The following CCER1 variants were observed in gnomAD, a reference collection of about 807,000 sequenced individuals.
CCER1 encodes coiled-coil glutamate rich protein 1.
For synonymous variants in CCER1, 246 were observed against 213.8 expected (o/e 1.15, Z -1.31); for missense variants, 573 against 524.5 (o/e 1.09, Z -0.90).
rs1246688044 is a variant in CCER1 at position 90,953,098 on chromosome 12, T to C, written c.*424A>G. On this transcript the variant is annotated 3_prime_UTR_variant, in exon 1 of 1. Transcript: ENST00000358859. ...GTTAAGAGCACTGGTGAACATTTAG[T>C]AGCGTTAGAATGTGCTTCTTACGCA... 2 of 159,984 alleles carry C rather than the reference T, an allele frequency of 1.3e-5. No homozygotes were observed. The highest frequency in any genetic ancestry group is 2.4e-5 in the African/African-American group (1 of 41,758). 9.9% of individuals were successfully genotyped at this position (159,984 alleles called of 1,614,324 possible).
Position 90,953,997 on chromosome 12 carries a change from G to C in CCER1, c.746C>G (p.Thr249Ser), listed in dbSNP as rs762373441. Reference sequence around the variant, plus strand: ...GGGATTCTGCACAAAGCCATACAGAGTTTCCTGCAGTCCCCAGGTTTCCTT... The same window carrying C: ...GGGATTCTGCACAAAGCCATACAGACTTTCCTGCAGTCCCCAGGTTTCCTT... ...GSKETWGLQETLYGFVQNPSL... is the reference protein window; with the variant it reads ...GSKETWGLQESLYGFVQNPSL... Residue 249 changes from threonine (T) to serine (S), a missense_variant, in exon 1 of 1, where the codon ACT (threonine) becomes AGT (serine). Coordinates refer to ENST00000358859, the MANE Select transcript of CCER1 (RefSeq NM_152638.4). The C allele has an allele frequency of 1.2e-6, 2 of 1,614,224 alleles. No homozygotes were observed. Among genetic ancestry groups the C allele is most frequent in the Non-Finnish European group, 1.7e-6 (2 of 1,180,036 alleles).
rs375426730 is a variant in CCER1, at chr12:90,954,588, T to A, written c.155A>T (p.His52Leu). 20 of 1,613,934 alleles carry A rather than the reference T, an allele frequency of 1.2e-5. No homozygotes were observed. The African/African-American group carries it at 1.5e-4, about 12-fold the overall frequency. Residue 52 changes from histidine (H) to leucine (L), a missense_variant, in exon 1 of 1, where the codon CAC (histidine) becomes CTC (leucine). Physicochemically the swap from His to Leu is moderately conservative, Grantham distance 99. Coordinates refer to ENST00000358859, the MANE Select transcript of CCER1 (RefSeq NM_152638.4). ...RPGAPAYNRP[H>L]RYSPKTEYGP... ...ATACTCGGTCTTGGGGCTATATCGG[T>A]GCGGTCTATTGTACGCTGGAGCACC...
Position 90,953,550 on chromosome 12 carries a change from A to AGG in CCER1, c.1191_1192dup (p.Leu398ProfsTer17). On this transcript the variant is annotated frameshift_variant, in exon 1 of 1. Coordinates refer to ENST00000358859, the MANE Select transcript of CCER1 (RefSeq NM_152638.4). LOFTEE classifies it high-confidence loss of function. ...ACAGTTAAAGTCCTGTGCCATGAAC[A>AGG]GGGATTCCTGTGGCACTTTGGGAAT... 6.2e-7 allele frequency: 1 copy of AGG among 1,613,736 alleles called. No homozygotes were observed. Among genetic ancestry groups the AGG allele is most frequent in the Non-Finnish European group, 8.5e-7 (1 of 1,179,848 alleles).
At position 90,953,436 on chromosome 12, in the gene CCER1, C is replaced by CA. The variant is rs1245997346; in HGVS notation, c.*85dup. 4.8e-6 allele frequency: 7 copies of CA among 1,449,404 alleles called. No individual in the cohort carries two copies. The African/African-American group carries it at 1.0e-4, about 21-fold the overall frequency. The allele number at this position is 1,449,404 out of a possible 1,614,324, so 89.8% of individuals were successfully genotyped here. A position where few individuals can be genotyped will look rare whatever the true frequency, so the allele number is the denominator to read the frequency against. On this transcript the variant is annotated 3_prime_UTR_variant, in exon 1 of 1. Coordinates refer to ENST00000358859, the MANE Select transcript of CCER1 (RefSeq NM_152638.4). ...CATAGATCTGTTTATTAATGGAACTCACTTTTTAATCAGTTTTTAATAAAT... is the reference window on the plus strand; with the variant it reads ...CATAGATCTGTTTATTAATGGAACTCAACTTTTTAATCAGTTTTTAATAAAT...
rs79531475 is a variant in CCER1 at position 90,953,120 on chromosome 12, C to T, written c.*402G>A. On this transcript the variant is annotated 3_prime_UTR_variant, in exon 1 of 1. Transcript: ENST00000358859. Reference sequence around the variant, plus strand: ...TAGTAGCGTTAGAATGTGCTTCTTACGCATGTAATAAACTATCTCTTGATT... The same window carrying T: ...TAGTAGCGTTAGAATGTGCTTCTTATGCATGTAATAAACTATCTCTTGATT... The T allele has an allele frequency of 6.1e-3, 1,031 of 167,704 alleles. 14 individuals are homozygous for T. The highest frequency in any genetic ancestry group is 0.024 in the African/African-American group (994 of 42,104). 10.4% of individuals were successfully genotyped at this position (167,704 alleles called of 1,614,324 possible). A position where few individuals can be genotyped will look rare whatever the true frequency, so the allele number is the denominator to read the frequency against.
Position 90,953,622 on chromosome 12 carries a change from T to G in CCER1, c.1121A>C (p.Lys374Thr). 1 of 1,614,158 alleles carries G rather than the reference T, an allele frequency of 6.2e-7. No homozygotes were observed. Among genetic ancestry groups the G allele is most frequent in the Non-Finnish European group, 8.5e-7 (1 of 1,180,030 alleles). ...PLSIFVEAEEKRENFISCTFL... is the reference protein window; with the variant it reads ...PLSIFVEAEETRENFISCTFL... ...AGTGCAGCTTATAAAGTTCTCTCTC[T>G]TTTCTTCAGCCTCTACGAAGATTGA... Residue 374 changes from lysine (K) to threonine (T), a missense_variant, in exon 1 of 1, where the codon AAG (lysine) becomes ACG (threonine). Coordinates refer to ENST00000358859, the MANE Select transcript of CCER1 (RefSeq NM_152638.4).
chr12:90,954,958 T>G lies in CCER1; in HGVS notation c.-216A>C. 1 of 906,216 alleles carries G rather than the reference T, an allele frequency of 1.1e-6. No individual in the cohort carries two copies. The highest frequency in any genetic ancestry group is 1.6e-6 in the Non-Finnish European group (1 of 609,514). The allele number at this position is 906,216 out of a possible 1,614,324, so 56.1% of individuals were successfully genotyped here. On this transcript the variant is annotated 5_prime_UTR_variant, in exon 1 of 1. Coordinates refer to ENST00000358859, the MANE Select transcript of CCER1 (RefSeq NM_152638.4). Reference sequence around the variant, plus strand: ...TAATCGCTTGTCCTTCGCACCTGGGTTGTCTCGCCCAGGTGTGCTGGGTGG... The same window carrying G: ...TAATCGCTTGTCCTTCGCACCTGGGGTGTCTCGCCCAGGTGTGCTGGGTGG...
In CCER1 at chr12:90,954,147, T is replaced by C; in HGVS notation, c.596A>G (p.Glu199Gly). The C allele has an allele frequency of 6.2e-7, 1 of 1,611,744 alleles. No individual in the cohort carries two copies. Among genetic ancestry groups the C allele is most frequent in the South Asian group, 1.1e-5 (1 of 91,088 alleles). Residue 199 changes from glutamate to glycine, a missense_variant, in exon 1 of 1, where the codon GAG becomes GGG. Transcript: ENST00000358859. ...CACCTTCTCCTGCTGCCTCATGTCC[T>C]CGTAGATCTGGTTCATGATGAATTG... ...TTQFIMNQIY[E>G]DMRQQEKVER...
chr12:90,954,659 G>A lies in CCER1; in HGVS notation c.84C>T (p.His28=). The A allele has an allele frequency of 6.3e-7, 1 of 1,598,994 alleles. No individual in the cohort carries two copies. Residue 28 remains histidine, a synonymous_variant, in exon 1 of 1, where the codon CAC becomes CAT. Transcript: ENST00000358859. ...ACGACCAGGAGCTCAAGGAGGCCGAGTGTGCCCAGCCACAGCCACAGCCGC... is the reference window on the plus strand; with the variant it reads ...ACGACCAGGAGCTCAAGGAGGCCGAATGTGCCCAGCCACAGCCACAGCCGC... ...GGGGCGCGWA[H]SASLSSWSSC...
Position 90,953,766 on chromosome 12 carries a change from T to A in CCER1, c.977A>T (p.Glu326Val). 1 of 1,555,884 alleles carries A rather than the reference T, an allele frequency of 6.4e-7. No homozygotes were observed. Among genetic ancestry groups the A allele is most frequent in the Non-Finnish European group, 8.9e-7 (1 of 1,127,198 alleles). ...CTCCTCCTCTCCCTCCTCCACATAT[T>A]CAGCCTCTTCGACCTCTTCTTCCTC... ...DEEEEEVEEA[E>V]YVEEGEEELE... The change falls in exon 1 of 1, where the codon GAA becomes GTA. Residue 326 changes from glutamate (E) to valine (V), a missense_variant. Physicochemically the swap from Glu to Val is moderately radical, Grantham distance 121. Coordinates refer to ENST00000358859, the MANE Select transcript of CCER1 (RefSeq NM_152638.4).
chr12:90,954,072 T>C lies in CCER1; in HGVS notation c.671A>G (p.Glu224Gly). The change falls in exon 1 of 1, where the codon GAG (glutamate) becomes GGG (glycine). Residue 224 changes from glutamate to glycine, a missense_variant. Physicochemically the swap from Glu to Gly is moderately conservative, Grantham distance 98. Coordinates refer to ENST00000358859, the MANE Select transcript of CCER1 (RefSeq NM_152638.4). ...LRAQKATVSG[E>G]ASPARSSGND... ...TCCGGAGGATCTGGCTGGGGAGGCC[T>C]CGCCGCTCACCGTGGCCTTCTGCGC... The C allele has an allele frequency of 1.2e-6, 2 of 1,613,778 alleles. No individual in the cohort carries two copies. Among genetic ancestry groups the C allele is most frequent in the Non-Finnish European group, 8.5e-7 (1 of 1,180,020 alleles).
At position 90,954,286 on chromosome 12, in the gene CCER1, G is replaced by A; in HGVS notation, c.457C>T (p.His153Tyr). Reference protein sequence around the residue: ...WGRRGRGLRHHPRHSYPRSPP... With the variant: ...WGRRGRGLRHYPRHSYPRSPP... ...CTCCGCGGGTAGGAGTGGCGAGGGT[G>A]GTGGCGCAGGCCGCGGCCTCTGCGG... Residue 153 changes from histidine (H) to tyrosine (Y), a missense_variant, in exon 1 of 1, where the codon CAC becomes TAC. Coordinates refer to ENST00000358859, the MANE Select transcript of CCER1 (RefSeq NM_152638.4). 1 of 1,600,796 alleles carries A rather than the reference G, an allele frequency of 6.2e-7. No homozygotes were observed. Among genetic ancestry groups the A allele is most frequent in the Non-Finnish European group, 8.5e-7 (1 of 1,177,796 alleles).
Position 90,954,765 on chromosome 12 carries a change from C to G in CCER1, c.-23G>C, listed in dbSNP as rs1329075179. 1 of 1,534,374 alleles carries G rather than the reference C, an allele frequency of 6.5e-7. No individual in the cohort carries two copies. Reference sequence around the variant, plus strand: ...CATGGTTCAGGGAGCTCCGAGAGGTCCAGATGGTAGCGACCTGAAGCTGTC... The same window carrying G: ...CATGGTTCAGGGAGCTCCGAGAGGTGCAGATGGTAGCGACCTGAAGCTGTC... On this transcript the variant is annotated 5_prime_UTR_variant, in exon 1 of 1. Coordinates refer to ENST00000358859, the MANE Select transcript of CCER1 (RefSeq NM_152638.4).
In CCER1 at chr12:90,952,653, C is replaced by G. The variant is rs908964272; in HGVS notation, c.*869G>C. 6.8e-6 allele frequency: 1 copy of G among 146,320 alleles called. No individual in the cohort carries two copies. The highest frequency in any genetic ancestry group is 6.8e-5 in the Admixed American group (1 of 14,790). 9.1% of individuals were successfully genotyped at this position (146,320 alleles called of 1,614,324 possible). On this transcript the variant is annotated 3_prime_UTR_variant, in exon 1 of 1. Coordinates refer to ENST00000358859, the MANE Select transcript of CCER1 (RefSeq NM_152638.4). ...ATTCCACCCCCAAAAGGTAGATAAT[C>G]TTTTTATCTAAAAAAAAAAATCCAT... is the stretch of plus-strand genomic sequence containing the variant.
chr12:90,954,192 C>T lies in CCER1; in HGVS notation c.551G>A (p.Arg184Gln). 1 of 1,609,444 alleles carries T rather than the reference C, an allele frequency of 6.2e-7. No individual in the cohort carries two copies. The highest frequency in any genetic ancestry group is 8.5e-7 in the Non-Finnish European group (1 of 1,179,932). ...GAATTGGGTGGTGTTGGGCGGCGCT[C>T]GCATGCCAGGCTCTCTCCACTCATA... ...KLYEWREPGMRAPPNTTQFIM... is the reference protein window; with the variant it reads ...KLYEWREPGMQAPPNTTQFIM... Residue 184 changes from arginine (R) to glutamine (Q), a missense_variant, in exon 1 of 1, where the codon CGA becomes CAA. Arg to Gln is a conservative substitution (Grantham distance 43). Transcript: ENST00000358859.
Position 90,954,609 on chromosome 12 carries a change from G to C in CCER1, c.134C>G (p.Ala45Gly). The change falls in exon 1 of 1, where the codon GCT becomes GGT. Residue 45 changes from alanine (A) to glycine (G), a missense_variant. Ala to Gly is a moderately conservative substitution (Grantham distance 60). Transcript: ENST00000358859. Reference protein sequence around the residue: ...WSSCHRRRPGAPAYNRPHRYS... With the variant: ...WSSCHRRRPGGPAYNRPHRYS... The stretch of plus-strand genomic sequence containing the variant: ...TCGGTGCGGTCTATTGTACGCTGGA[G>C]CACCCGGGCGCCTTCGATGGCAGGA... The C allele has an allele frequency of 1.2e-6, 2 of 1,613,632 alleles. No individual in the cohort carries two copies. Among genetic ancestry groups the C allele is most frequent in the African/African-American group, 1.3e-5 (1 of 75,034 alleles).
rs1876565812 is a variant in CCER1 at position 90,954,127 on chromosome 12, TCTC to T, written c.613_615del (p.Glu205del). The T allele has an allele frequency of 6.2e-7, 1 of 1,612,332 alleles. No homozygotes were observed. The highest frequency in any genetic ancestry group is 8.5e-7 in the Non-Finnish European group (1 of 1,179,930). Reference sequence around the variant, plus strand: ...AGCGCCTCCTGCTGACGCTCCACCTTCTCCTGCTGCCTCATGTCCTCGTAGATC... The same window carrying T: ...AGCGCCTCCTGCTGACGCTCCACCTTCTGCTGCCTCATGTCCTCGTAGATC... On this transcript the variant is annotated inframe_deletion, in exon 1 of 1. Transcript: ENST00000358859.
rs971798166 is a variant in CCER1, at chr12:90,955,088, G to A, written c.-346C>T. The A allele has an allele frequency of 6.1e-5, 23 of 374,932 alleles. No homozygotes were observed. The Admixed American group carries it at 1.0e-3, about 16-fold the overall frequency. 23.2% of individuals were successfully genotyped at this position (374,932 alleles called of 1,614,324 possible). On this transcript the variant is annotated 5_prime_UTR_variant, in exon 1 of 1. Transcript: ENST00000358859. ...CACACCCGGCTCTGCTGAGGCACGG[G>A]CTGGGGCCGGGGGAGGCAGGGGTTG... is the stretch of plus-strand genomic sequence containing the variant.
rs369758757 is a variant in CCER1 at position 90,954,298 on chromosome 12, C to A, written c.445G>T (p.Gly149Cys). Residue 149 changes from glycine (G) to cysteine (C), a missense_variant, in exon 1 of 1, where the codon GGC (glycine) becomes TGC (cysteine). Transcript: ENST00000358859. ...GAGTGGCGAGGGTGGTGGCGCAGGC[C>A]GCGGCCTCTGCGGCCCCAGCGCTTC... is the stretch of plus-strand genomic sequence containing the variant. ...RKKRWGRRGR[G>C]LRHHPRHSYP... The A allele has an allele frequency of 9.4e-6, 15 of 1,600,536 alleles. No homozygotes were observed. The East Asian group carries it at 2.9e-4, about 31-fold the overall frequency.
Sources: gnomAD v4.1 joint callset for allele counts on GRCh38, gnomAD v4.1.1 for gene constraint, MANE v1.5 for transcripts, NCBI Gene and HGNC (gene_info 2026-07-23, HGNC 2026-07-21) for gene names.